Variants in GMEB1 observed in about 807,000 individuals in gnomAD.
The protein encoded by GMEB1 is glucocorticoid modulatory element binding protein 1.
GMEB1 carries 6 observed loss-of-function variants against 52.4 expected under a neutral mutation model. That is an observed-to-expected ratio of 0.11 (90% CI 0.06 to 0.23). GMEB1 has a LOEUF of 0.23. Among genes scored for constraint, GMEB1 ranks in the 10% least tolerant of loss-of-function variants. GMEB1 has a pLI of 1.00. For missense variants in GMEB1, 486 were observed against 685.6 expected (o/e 0.71, Z 3.25); for synonymous variants, 255 against 244.9 (o/e 1.04, Z -0.38).
chr1:28,685,556 A>G (rs925728175), intron 2 of GMEB1, among the ~76,000 whole-genome samples: 3 of 152,206 alleles, frequency 2.0e-5, no homozygotes, highest in Non-Finnish European at 4.4e-5. Context: ...ATGATGCCTT[A>G]ACGTTTTGAA....
At chr1:28,697,230 CAG>C (rs1473265244) in intron 6 of GMEB1, 146 bp downstream of exon 6, 1 of 167,644 alleles carries the variant, frequency 6.0e-6, no homozygotes, top group Non-Finnish European at 1.1e-5. Context: ...TTTTTTGAGA[CAG>C]AGTTTTGCTC....
In GMEB1 at chr1:28,691,697, G is replaced by A; in HGVS notation, c.324G>A (p.Val108=). The change falls in exon 4 of 10, where the codon GTG becomes GTA. Residue 108 remains valine (V), a synonymous_variant. Coordinates refer to ENST00000373816, the MANE Select transcript of GMEB1 (RefSeq NM_001319674.2). The stretch of plus-strand genomic sequence containing the variant: ...AGTTTGTATGTCCAGGAATAAACGT[G>A]AAGTGTGTCAAGGTAATTGTCTTTT... ...WKKFVCPGIN[V]KCVKFNDQLI... 1.3e-6 allele frequency: 2 copies of A among 1,547,684 alleles called. No individual in the cohort carries two copies. The highest frequency in any genetic ancestry group is 2.3e-5 in the East Asian group (1 of 42,832).
intron 5 of GMEB1, among the ~76,000 whole-genome samples, chr1:28,695,107 G>T (rs1404832164): frequency 2.0e-5 from 3 of 151,210 alleles, no homozygotes; most frequent in African/African-American, 4.9e-5. Context: ...TGAGATTACA[G>T]GTGCGCGCCA....
At chr1:28,708,906 C>T (rs559883644) in intron 8 of GMEB1, among the ~76,000 whole-genome samples, 1 of 151,848 alleles carries the variant, frequency 6.6e-6, no homozygotes, top group African/African-American at 2.4e-5. Context: ...CCGAGGCGGG[C>T]AGATCACAAG....
At chr1:28,698,173 A>G (rs1670317676) in intron 6 of GMEB1, among the ~76,000 whole-genome samples, 1 of 151,902 alleles carries the variant, frequency 6.6e-6, no homozygotes, top group Non-Finnish European at 1.5e-5. Context: ...GATCGAGACC[A>G]TCCTGGCCAA....
At chr1:28,695,073 T>G (rs1309074448) in intron 5 of GMEB1, among the ~76,000 whole-genome samples, 1 of 150,986 alleles carries the variant, frequency 6.6e-6, no homozygotes, top group Non-Finnish European at 1.5e-5. Context: ...CAAGTGATTC[T>G]CATGCCTCAG....
chr1:28,669,278 G>A (rs183907574), intron 1 of GMEB1, among the ~76,000 whole-genome samples: 4 of 151,970 alleles, frequency 2.6e-5, no homozygotes, highest in Middle Eastern at 3.4e-3. Context: ...CGAGGGGTCC[G>A]GGGAGCCTGG....
In GMEB1 at chr1:28,690,862, T is replaced by C. The variant is rs1341408191; in HGVS notation, c.211+676T>C. On this transcript the variant is annotated intron_variant, in intron 3 of 9. Coordinates refer to ENST00000373816, the MANE Select transcript of GMEB1 (RefSeq NM_001319674.2). ...TGGGTGTAGTGGTGCGCGCCTGTAATCCCAGTTACTCAGGAGACTGAGGCA... is the reference window on the plus strand; with the variant it reads ...TGGGTGTAGTGGTGCGCGCCTGTAACCCCAGTTACTCAGGAGACTGAGGCA... Among the ~76,000 whole-genome samples, 4 of 151,836 alleles carry C rather than the reference T, an allele frequency of 2.6e-5. No homozygotes were observed. The East Asian group carries it at 5.8e-4, about 22-fold the overall frequency.
intron 3 of GMEB1, 144 bp from the exon 4 acceptor site, chr1:28,691,441 C>A (rs1669958918): frequency 4.7e-6 from 2 of 427,174 alleles, no homozygotes; most frequent in African/African-American, 2.0e-5. Flanking sequence ...AGCTCTTAGG[C>A]CAAACTTCTT....
Position 28,710,568 on chromosome 1 carries a change from C to G in GMEB1, c.917C>G (p.Thr306Arg). 6.2e-7 allele frequency: 1 copy of G among 1,610,546 alleles called. No individual in the cohort carries two copies. The highest frequency in any genetic ancestry group is 1.1e-5 in the South Asian group (1 of 90,500). The change falls in exon 9 of 10, where the codon ACA (threonine) becomes AGA (arginine). Residue 306 changes from threonine to arginine, a missense_variant. This residue lies in a region of GMEB1 where 200 missense variants were observed against 253.5 expected (regional missense o/e 0.79). Transcript: ENST00000373816. ...NVAHTFGLMD[T>R]VKKVLDNRRN... ...GCACACACATTTGGCCTAATGGACACAGTCAAGAAGGTTTTAGACAACAGA... is the reference window on the plus strand; with the variant it reads ...GCACACACATTTGGCCTAATGGACAGAGTCAAGAAGGTTTTAGACAACAGA...
chr1:28,691,654 C>T lies in GMEB1; in HGVS notation c.281C>T (p.Ala94Val). 1 of 1,577,864 alleles carries T rather than the reference C, an allele frequency of 6.3e-7. No homozygotes were observed. The part of the protein sequence containing the change: ...AYPITCGESK[A>V]ILLWKKFVCP... ...CCCATAACTTGTGGGGAGAGCAAAG[C>T]CATCCTCCTCTGGAAGAAGTTTGTA... Residue 94 changes from alanine (A) to valine (V), a missense_variant, in exon 4 of 10, where the codon GCC (alanine) becomes GTC (valine). Ala to Val is a moderately conservative substitution (Grantham distance 64). Transcript: ENST00000373816.
At chr1:28,708,428 T>C (rs914537164) in intron 8 of GMEB1, among the ~76,000 whole-genome samples, 8 of 146,218 alleles carry the variant, frequency 5.5e-5, no homozygotes, top group Admixed American at 5.4e-4. Context: ...CCTCCCAAAG[T>C]GCTGGGATTA....
intron 8 of GMEB1, among the ~76,000 whole-genome samples, chr1:28,706,111 G>A (rs527798082): frequency 1.3e-5 from 2 of 151,972 alleles, no homozygotes; most frequent in Non-Finnish European, 1.5e-5. Context: ...CCGAGATAGC[G>A]CCACTGCAGT....
At position 28,702,445 on chromosome 1, in the gene GMEB1, C is replaced by T; in HGVS notation, c.606C>T (p.Ile202=). The T allele has an allele frequency of 1.9e-6, 3 of 1,613,406 alleles. No homozygotes were observed. Among genetic ancestry groups the T allele is most frequent in the Non-Finnish European group, 2.5e-6 (3 of 1,179,574 alleles). ...CTACTGGACTGTTTTTAGGTAGCAT[C>T]ACGCAGATTGCCATCTCAGAAGAGA... ...VQTPTSADGS[I]TQIAISEESM... Residue 202 remains isoleucine (I), a synonymous_variant, in exon 7 of 10, where the codon ATC becomes ATT. Transcript: ENST00000373816.
At chr1:28,678,699 A>G (rs912144659) in intron 1 of GMEB1, among the ~76,000 whole-genome samples, 1 of 151,988 alleles carries the variant, frequency 6.6e-6, no homozygotes, top group South Asian at 2.1e-4. Flanking sequence ...GCTCACTGCA[A>G]CCTCTGCCTC....
In GMEB1 at chr1:28,692,356, AC is replaced by A. The variant is rs370178656; in HGVS notation, c.337-582del. Among the ~76,000 whole-genome samples, 1,182 of 151,912 alleles carry A rather than the reference AC, an allele frequency of 7.8e-3. 10 individuals carry two copies. Among genetic ancestry groups the A allele is most frequent in the African/African-American group, 0.025 (1,040 of 41,416 alleles). On this transcript the variant is annotated intron_variant, in intron 4 of 9. Coordinates refer to ENST00000373816, the MANE Select transcript of GMEB1 (RefSeq NM_001319674.2). ...AGACCAGCCTGGACAACATAGTGAA[AC>A]CCCATCTCTACTAAAAATACAAAAA...
chr1:28,711,077 A>G (rs1014287475), intron 9 of GMEB1, among the ~76,000 whole-genome samples: 2 of 152,074 alleles, frequency 1.3e-5, no homozygotes, highest in African/African-American at 4.8e-5. Flanking sequence ...CACGAGGTCA[A>G]GAGATTGAGA....
rs1447738353 is a variant in GMEB1 at position 28,710,591 on chromosome 1, A to C, written c.940A>C (p.Arg314=). 3 of 1,610,686 alleles carry C rather than the reference A, an allele frequency of 1.9e-6. No individual in the cohort carries two copies. The highest frequency in any genetic ancestry group is 1.3e-5 in the African/African-American group (1 of 74,948). The change falls in exon 9 of 10, where the codon AGA becomes CGA. Residue 314 remains arginine (R), a synonymous_variant. Coordinates refer to ENST00000373816, the MANE Select transcript of GMEB1 (RefSeq NM_001319674.2). ...MDTVKKVLDN[R]RNQVEQGEEQ... ...CACAGTCAAGAAGGTTTTAGACAAC[A>C]GAAGGAACCAAGTAGAGCAGGGAGA... is the stretch of plus-strand genomic sequence containing the variant.
At chr1:28,680,605 C>T (rs779619912) in intron 1 of GMEB1, among the ~76,000 whole-genome samples, 11 of 151,802 alleles carry the variant, frequency 7.2e-5, no homozygotes, top group South Asian at 6.2e-4. Flanking sequence ...CGTGGTGGTG[C>T]GTGCCTAAAG....
Sources: allele counts gnomAD v4.1 joint callset (sites outside exome capture counted in the v4.1 genomes callset), GRCh38; gene constraint gnomAD v4.1.1; regional missense constraint gnomAD v4.1.1; transcripts MANE v1.5; gene names NCBI Gene and HGNC (gene_info 2026-07-23, HGNC 2026-07-21).